The following CPED1 variants were observed in gnomAD, a reference collection of about 807,000 sequenced individuals.
CPED1 encodes cadherin like and PC-esterase domain containing 1.
CPED1 carries 114 observed loss-of-function variants against 128.2 expected under a neutral mutation model. That is an observed-to-expected ratio of 0.89 (90% CI 0.76 to 1.04). CPED1 has a LOEUF of 1.04. Ranked by LOEUF, CPED1 falls within the 50% of genes least tolerant of loss-of-function variation. CPED1 has a pLI of 0.00. For synonymous variants in CPED1, 462 were observed against 426.7 expected, an observed-to-expected ratio of 1.08 and a Z score of -1.02; for missense variants, 1,211 against 1,207.1, an observed-to-expected ratio of 1.00 and a Z score of -0.05.
At chr7:121,232,349 T>C (rs1186613832) in intron 16 of CPED1, among the ~76,000 whole-genome samples, 3 of 151,886 alleles carry the variant, frequency 2.0e-5, no homozygotes, top group East Asian at 3.9e-4. Context: ...ATCAGTGAAA[T>C]TGGATTAGAG....
At chr7:121,139,682 C>G (rs539860517) in intron 14 of CPED1, among the ~76,000 whole-genome samples, 10 of 152,050 alleles carry the variant, frequency 6.6e-5, no homozygotes, top group African/African-American at 2.4e-4. Flanking sequence ...TGAGAAACCA[C>G]TAAAGAATGG....
At chr7:121,276,865 C>T (rs936571289) in intron 22 of CPED1, among the ~76,000 whole-genome samples, 14 of 152,078 alleles carry the variant, frequency 9.2e-5, no homozygotes, top group African/African-American at 3.4e-4. Flanking sequence ...ATGGTAAGAA[C>T]TGGATGATCC....
intron 16 of CPED1, among the ~76,000 whole-genome samples, chr7:121,217,036 G>C (rs1216113865): frequency 6.6e-6 from 1 of 151,756 alleles, no homozygotes; most frequent in Non-Finnish European, 1.5e-5. Context: ...TAATTGAGAG[G>C]TTGCACAGTT....
At chr7:121,275,101 T>C (rs1792305933) in intron 22 of CPED1, among the ~76,000 whole-genome samples, 1 of 152,006 alleles carries the variant, frequency 6.6e-6, no homozygotes, top group African/African-American at 2.4e-5. Context: ...CTGAGAAGGG[T>C]TGGTATAATC....
intron 2 of CPED1, among the ~76,000 whole-genome samples, chr7:121,005,142 A>C (rs188402875): frequency 1.3e-5 from 2 of 152,282 alleles, no homozygotes; most frequent in East Asian, 1.9e-4. Context: ...TTGTGTTCTC[A>C]TTGTTTAACT....
intron 7 of CPED1, among the ~76,000 whole-genome samples, chr7:121,104,280 C>T (rs959392806): frequency 2.6e-5 from 4 of 152,060 alleles, no homozygotes; most frequent in Non-Finnish European, 4.4e-5. Flanking sequence ...TATAAATTCA[C>T]GAGTAAAATT....
chr7:121,266,313 A>G lies in CPED1; in HGVS notation c.2397A>G (p.Lys799=). 6.2e-7 allele frequency: 1 copy of G among 1,613,284 alleles called. No individual in the cohort carries two copies. Among genetic ancestry groups the G allele is most frequent in the East Asian group, 2.2e-5 (1 of 44,832 alleles). Residue 799 remains lysine, a synonymous_variant, in exon 19 of 23, where the codon AAA becomes AAG. Coordinates refer to ENST00000310396, the MANE Select transcript of CPED1 (RefSeq NM_024913.5). ...RLNETLQEWQ[K]VHGTKFYHNV... is the part of the protein sequence containing the mutation. ...ATGAAACGTTGCAGGAATGGCAGAA[A>G]GTACATGGCACTAAATTCTATCACA...
At chr7:121,079,469 T>G (rs528947794) in intron 5 of CPED1, among the ~76,000 whole-genome samples, 8 of 152,234 alleles carry the variant, frequency 5.3e-5, no homozygotes, top group Admixed American at 1.3e-4. Flanking sequence ...TACTGCCCAC[T>G]GGCTACCCAG....
At chr7:121,224,170 A>G (rs536998228) in intron 16 of CPED1, among the ~76,000 whole-genome samples, 1 of 152,206 alleles carries the variant, frequency 6.6e-6, no homozygotes, top group South Asian at 2.1e-4. Context: ...CTTTGTTCTC[A>G]TTGGTTTCAA....
intron 2 of CPED1, among the ~76,000 whole-genome samples, chr7:120,994,657 G>GTGTGTGTGTGT (rs148572524): frequency 3.2e-4 from 48 of 149,300 alleles, no homozygotes; most frequent in Middle Eastern, 3.4e-3. Flanking sequence ...GTGTGTGTGT[G>GTGTGTGTGTGT]TGTTGTTGTT....
chr7:121,070,234 A>G (rs945887417), intron 5 of CPED1, among the ~76,000 whole-genome samples: 2 of 150,890 alleles, frequency 1.3e-5, no homozygotes, highest in Non-Finnish European at 3.0e-5. Flanking sequence ...ACATTGACCA[A>G]TAATAGTTAT....
intron 4 of CPED1, among the ~76,000 whole-genome samples, chr7:121,063,193 C>T (rs1793725127): frequency 6.6e-6 from 1 of 151,968 alleles, no homozygotes; most frequent in Non-Finnish European, 1.5e-5. Flanking sequence ...AGAGAGTTTG[C>T]TGAACACATG....
chr7:121,284,273 G>A (rs1349472787), intron 22 of CPED1, among the ~76,000 whole-genome samples: 7 of 152,074 alleles, frequency 4.6e-5, no homozygotes, highest in African/African-American at 1.2e-4. Context: ...TACCTCCCAC[G>A]AGGTCCCTCT....
intron 7 of CPED1, among the ~76,000 whole-genome samples, chr7:121,115,106 A>C (rs987479029): frequency 6.6e-6 from 1 of 152,178 alleles, no homozygotes; most frequent in African/African-American, 2.4e-5. Context: ...AAAGATGATG[A>C]CTGGTGGCAA....
chr7:121,093,294 C>T (rs1794618532), intron 5 of CPED1, among the ~76,000 whole-genome samples: 1 of 151,694 alleles, frequency 6.6e-6, no homozygotes, highest in Non-Finnish European at 1.5e-5. Context: ...TTTTTTTTTA[C>T]CTAACAAAAG....
At chr7:121,035,101 A>T (rs891366942) in intron 3 of CPED1, among the ~76,000 whole-genome samples, 2 of 152,114 alleles carry the variant, frequency 1.3e-5, no homozygotes, top group African/African-American at 2.4e-5. Context: ...TTCAGGGACC[A>T]AAAAAAGGCA....
At chr7:121,018,368 G>A (rs138659880) in intron 3 of CPED1, among the ~76,000 whole-genome samples, 39 of 152,190 alleles carry the variant, frequency 2.6e-4, no homozygotes, top group Non-Finnish European at 5.0e-4. Context: ...TTTACCATGT[G>A]TATATCAACA....
At chr7:121,035,463 A>G (rs1221785470) in intron 3 of CPED1, among the ~76,000 whole-genome samples, 4 of 152,174 alleles carry the variant, frequency 2.6e-5, no homozygotes, top group Non-Finnish European at 5.9e-5. Flanking sequence ...AGATTTGGGA[A>G]GGAGATGTGA....
chr7:121,209,958 GA>G (rs536851315), intron 16 of CPED1, among the ~76,000 whole-genome samples: 13 of 151,332 alleles, frequency 8.6e-5, no homozygotes, highest in East Asian at 1.9e-4. Context: ...AACAACAATA[GA>G]AAAAAAATCT....
Sources: allele counts gnomAD v4.1 joint callset (sites outside exome capture counted in the v4.1 genomes callset), GRCh38; gene constraint gnomAD v4.1.1; transcripts MANE v1.5; gene names NCBI Gene and HGNC (gene_info 2026-07-23, HGNC 2026-07-21).